USP44: variants seen among roughly 807,000 people sequenced by gnomAD.
USP44 encodes the protein ubiquitin carboxyl-terminal hydrolase 44.
USP44 carries 61 observed loss-of-function variants against 69.0 expected under a neutral mutation model. That is an observed-to-expected ratio of 0.88 (90% confidence interval 0.72 to 1.09). The LOEUF is 1.09. Among genes scored for constraint, USP44 ranks in the 50% least tolerant of loss-of-function variants. The probability of loss-of-function intolerance (pLI) is 0.00; values close to 1 mark genes in which losing one functional copy is unlikely to be tolerated. For synonymous variants in USP44, 297 were observed against 295.4 expected (o/e 1.01, Z -0.06); for missense variants, 753 against 849.9 (o/e 0.89, Z 1.42).
At chr12:95,520,653 T>G (rs1200450251) in intron 5 of USP44, among the ~76,000 whole-genome samples, 4 of 152,216 alleles carry the variant, frequency 2.6e-5, no homozygotes, top group Admixed American at 2.0e-4. Context: ...GTTCATTAGG[T>G]ACCCTATTTC....
At position 95,521,070 on chromosome 12, in the gene USP44, G is replaced by C. The variant is rs376331774; in HGVS notation, c.1866C>G (p.Ser622=). Residue 622 remains serine, a synonymous_variant, in exon 5 of 6, where the codon TCC becomes TCG. Coordinates refer to ENST00000258499, the MANE Select transcript of USP44 (RefSeq NM_032147.5). ...LRPECFIYDL[S]AVVMHHGKGF... ...CTTTCCCATGGTGCATCACCACCGCGGACAAGTCATAGATAAAGCATTCTG... is the reference window on the plus strand; with the variant it reads ...CTTTCCCATGGTGCATCACCACCGCCGACAAGTCATAGATAAAGCATTCTG... The C allele has an allele frequency of 3.1e-6, 5 of 1,614,036 alleles. No homozygotes were observed. The highest frequency in any genetic ancestry group is 2.2e-5 in the East Asian group (1 of 44,898).
At chr12:95,543,568 A>T (rs79939359) in intron 1 of USP44, among the ~76,000 whole-genome samples, 9,115 of 152,174 alleles carry the variant, frequency 0.06, 664 homozygotes, top group African/African-American at 0.17. Context: ...CAAATAATTT[A>T]AAAAATCCAC....
rs765257642 is a variant in USP44, at chr12:95,533,312, G to A, written c.945C>T (p.Ser315=). 9.3e-6 allele frequency: 15 copies of A among 1,613,768 alleles called. No individual in the cohort carries two copies. The Admixed American group carries it at 1.2e-4, about 13-fold the overall frequency. ...DLNQWLAMTA[S]EKTRSCKHPP... ...GATGCTTACAAGATCTTGTCTTCTC[G>A]CTAGCAGTCATAGCCAGCCATTGGT... Residue 315 remains serine (S), a synonymous_variant, in exon 2 of 6, where the codon AGC becomes AGT. Transcript: ENST00000258499.
At chr12:95,550,139 T>TGC (rs2077697551) in intron 1 of USP44, among the ~76,000 whole-genome samples, 1 of 143,350 alleles carries the variant, frequency 7.0e-6, no homozygotes, top group Non-Finnish European at 1.5e-5. Flanking sequence ...AGATCCACAA[T>TGC]TGCACTCAAG....
chr12:95,527,003 C>T (rs1028546694), intron 3 of USP44, among the ~76,000 whole-genome samples: 1 of 151,966 alleles, frequency 6.6e-6, no homozygotes, highest in African/African-American at 2.4e-5. Flanking sequence ...GTGCACCCAA[C>T]ACCTGAGCAG....
intron 3 of USP44, among the ~76,000 whole-genome samples, chr12:95,526,872 T>G (rs1235727662): frequency 6.6e-6 from 1 of 152,180 alleles, no homozygotes; most frequent in East Asian, 1.9e-4. Context: ...TTATATAGTA[T>G]AAATACTAAG....
In USP44 at chr12:95,534,149, C is replaced by A. The variant is rs761096459; in HGVS notation, c.108G>T (p.Glu36Asp). The A allele has an allele frequency of 2.1e-5, 34 of 1,614,184 alleles. No homozygotes were observed. The highest frequency in any genetic ancestry group is 2.9e-5 in the Non-Finnish European group (34 of 1,180,036). ...AGCAGCTAAGGCAAGCCCAAATGGACTCGGTCGTGTTGCAGTCCACACAGT... is the reference window on the plus strand; with the variant it reads ...AGCAGCTAAGGCAAGCCCAAATGGAATCGGTCGTGTTGCAGTCCACACAGT... ...KWHCVDCNTT[E>D]SIWACLSCSH... Residue 36 changes from glutamate to aspartate, a missense_variant, in exon 2 of 6, where the codon GAG becomes GAT. Glu to Asp is a conservative substitution (Grantham distance 45). Transcript: ENST00000258499.
At chr12:95,525,631 A>C (rs1485883139) in intron 3 of USP44, among the ~76,000 whole-genome samples, 1 of 152,222 alleles carries the variant, frequency 6.6e-6, no homozygotes, top group African/African-American at 2.4e-5. Context: ...CGGCCTAGGA[A>C]AGCAGGACTT....
At chr12:95,541,195 G>A (rs1419774066) in intron 1 of USP44, among the ~76,000 whole-genome samples, 3 of 152,186 alleles carry the variant, frequency 2.0e-5, no homozygotes. Context: ...AGAATTGCTT[G>A]CACCTGGGAG....
chr12:95,527,060 C>T (rs2076862247), intron 3 of USP44, among the ~76,000 whole-genome samples: 1 of 151,634 alleles, frequency 6.6e-6, no homozygotes, highest in Non-Finnish European at 1.5e-5. Flanking sequence ...ACCCCTCCCA[C>T]CCTCTCCCCT....
intron 1 of USP44, among the ~76,000 whole-genome samples, chr12:95,537,307 G>T (rs2077237235): frequency 6.6e-6 from 1 of 151,980 alleles, no homozygotes; most frequent in South Asian, 2.1e-4. Flanking sequence ...GCAAACCATA[G>T]AAAATAATTT....
rs549180426 is a variant in USP44 at position 95,517,613 on chromosome 12, A to C, written c.*541T>G. On this transcript the variant is annotated 3_prime_UTR_variant, in exon 6 of 6. Coordinates refer to ENST00000258499, the MANE Select transcript of USP44 (RefSeq NM_032147.5). ...AAGCAATTTTGGGGTTACATTAACC[A>C]AAATAATGTCAATTACAAGGCCTGT... The C allele has an allele frequency of 6.6e-6, 1 of 152,446 alleles. No homozygotes were observed. Among genetic ancestry groups the C allele is most frequent in the South Asian group, 2.1e-4 (1 of 4,838 alleles). The allele number at this position is 152,446 out of a possible 1,614,324, so 9.4% of individuals were successfully genotyped here.
chr12:95,523,705 A>AAG (rs893764223), intron 4 of USP44, among the ~76,000 whole-genome samples: 3 of 150,824 alleles, frequency 2.0e-5, no homozygotes, highest in African/African-American at 2.4e-5. Flanking sequence ...AAAAAAAAAA[A>AAG]AGAGATACAA....
intron 1 of USP44, among the ~76,000 whole-genome samples, chr12:95,543,406 CAAAA>C (rs60127958): frequency 2.3e-5 from 1 of 43,178 alleles, no homozygotes; most frequent in Non-Finnish European, 4.7e-5. Flanking sequence ...GACTCTTTCT[CAAAA>C]AAAAAAAAAA....
chr12:95,518,570 C>T (rs540439692), intron 5 of USP44, among the ~76,000 whole-genome samples: 9 of 152,256 alleles, frequency 5.9e-5, no homozygotes, highest in Admixed American at 5.9e-4. Context: ...GATTAGAGTA[C>T]CTGACACTAT....
chr12:95,547,047 A>C (rs1426268651), intron 1 of USP44: 1 of 152,262 alleles, frequency 6.6e-6, no homozygotes, highest in East Asian at 1.9e-4. Context: ...TATCTAACCC[A>C]AATCTTCAAC....
rs554175221 is a variant in USP44 at position 95,539,716 on chromosome 12, T to G, written c.-70-5390A>C. ...TATGACTGAGCATGCATTTTAAAAATTCCCTTTAGCAAATCTCTAAAGTTA... is the reference window on the plus strand; with the variant it reads ...TATGACTGAGCATGCATTTTAAAAAGTCCCTTTAGCAAATCTCTAAAGTTA... On this transcript the variant is annotated intron_variant, in intron 1 of 5. Transcript: ENST00000258499. Among the ~76,000 whole-genome samples, 8 of 152,344 alleles carry G rather than the reference T, an allele frequency of 5.3e-5. No homozygotes were observed. In the East Asian group the frequency reaches 1.5e-3, roughly 29 times the overall value.
chr12:95,550,083 A>G (rs1177855649), intron 1 of USP44, among the ~76,000 whole-genome samples: 1 of 151,686 alleles, frequency 6.6e-6, no homozygotes, highest in African/African-American at 2.4e-5. Context: ...GTAGGCTGAG[A>G]CAGGACAATC....
At chr12:95,549,943 C>G (rs966036983) in intron 1 of USP44, among the ~76,000 whole-genome samples, 1 of 152,068 alleles carries the variant, frequency 6.6e-6, no homozygotes, top group African/African-American at 2.4e-5. Context: ...CTTTGGGAGG[C>G]CAAGGCGGGT....
Sources: allele counts gnomAD v4.1 joint callset (sites outside exome capture counted in the v4.1 genomes callset), GRCh38; gene constraint gnomAD v4.1.1; transcripts MANE v1.5; gene names NCBI Gene and HGNC (gene_info 2026-07-23, HGNC 2026-07-21).